FSTL5: variants seen among roughly 807,000 people sequenced by gnomAD.
FSTL5 encodes the protein follistatin like 5, also known as follistatin-related protein 5.
Under a neutral mutation model 89.1 loss-of-function variants are expected in FSTL5, and 62 were observed. The ratio of observed to expected loss-of-function variants is 0.70; its 90% CI spans 0.57 to 0.86. The LOEUF (loss-of-function observed/expected upper bound fraction) is 0.86. FSTL5 is among the 40% of genes least tolerant of loss of function. The probability of loss-of-function intolerance (pLI) is 0.00; values close to 1 mark genes in which losing one functional copy is unlikely to be tolerated. For synonymous variants in FSTL5, 383 were observed against 346.2 expected, an observed-to-expected ratio of 1.11 and a Z score of -1.18; for missense variants, 1,057 against 1,001.6, an observed-to-expected ratio of 1.06 and a Z score of -0.75.
intron 7 of FSTL5, among the ~76,000 whole-genome samples, chr4:161,616,073 TTC>T (rs1420859676): frequency 2.6e-5 from 4 of 151,914 alleles, no homozygotes; most frequent in African/African-American, 9.7e-5. Context: ...TGTTTTTTTT[TTC>T]TTTTTCTTTT....
chr4:162,045,675 C>G (rs1233781706), intron 2 of FSTL5, among the ~76,000 whole-genome samples: 1 of 152,066 alleles, frequency 6.6e-6, no homozygotes, highest in Non-Finnish European at 1.5e-5. Flanking sequence ...TTGCTTAACA[C>G]CGGGCTACCA....
chr4:161,699,586 A>G (rs1322067216), intron 6 of FSTL5, among the ~76,000 whole-genome samples: 1 of 152,240 alleles, frequency 6.6e-6, no homozygotes, highest in African/African-American at 2.4e-5. Flanking sequence ...AGAAAATTAA[A>G]CTATAAGACA....
At chr4:161,821,436 T>A (rs1730491376) in intron 4 of FSTL5, among the ~76,000 whole-genome samples, 1 of 152,312 alleles carries the variant, frequency 6.6e-6, no homozygotes, top group South Asian at 2.1e-4. Flanking sequence ...TATTATTTTT[T>A]AAATTTCCAT....
Position 162,033,643 on chromosome 4 carries a change from CT to C in FSTL5, c.141del (p.Glu48LysfsTer9). On this transcript the variant is annotated frameshift_variant, in exon 3 of 16. Coordinates refer to ENST00000306100, the MANE Select transcript of FSTL5 (RefSeq NM_020116.5). LOFTEE classifies it high-confidence loss of function. ...TTCTTACCTTTGACTCTTGAACTTT[CT>C]TGATTTTTTTCCTGCTGGAAATAAA... is the stretch of plus-strand genomic sequence containing the variant. The part of the protein sequence containing the change: ...MRLRHKQEKN[Q>X]ESSRVKGFMI... 1 of 1,496,566 alleles carries C rather than the reference CT, an allele frequency of 6.7e-7. No homozygotes were observed. Among genetic ancestry groups the C allele is most frequent in the Non-Finnish European group, 9.2e-7 (1 of 1,090,884 alleles). The allele number at this position is 1,496,566 out of a possible 1,614,324, so 92.7% of individuals were successfully genotyped here. A position where few individuals can be genotyped will look rare whatever the true frequency, so the allele number is the denominator to read the frequency against.
In FSTL5 at chr4:161,477,447, A is replaced by C. The variant is rs938517757; in HGVS notation, c.1608+3573T>G. ...ATTATTAATTATTATAGTTTATTAC[A>C]CTTTATGCAATTATTATTCATTTTG... On this transcript the variant is annotated intron_variant, in intron 13 of 15. Coordinates refer to ENST00000306100, the MANE Select transcript of FSTL5 (RefSeq NM_020116.5). Among the ~76,000 whole-genome samples the C allele has an allele frequency of 6.0e-5, 9 of 150,312 alleles. 1 individual carries two copies. Among genetic ancestry groups the C allele is most frequent in the African/African-American group, 9.7e-5 (4 of 41,250 alleles).
At position 161,742,880 on chromosome 4, in the gene FSTL5, T is replaced by C. The variant is rs115761064; in HGVS notation, c.727+16531A>G. On this transcript the variant is annotated intron_variant, in intron 6 of 15. Transcript: ENST00000306100. ...CCAAAAAGTACATTCAAAGAATATA[T>C]TGATGTATCTTTAAATATATAAAAT... Among the ~76,000 whole-genome samples the C allele has an allele frequency of 9.4e-3, 1,429 of 152,294 alleles. 28 individuals carry two copies. The highest frequency in any genetic ancestry group is 0.032 in the African/African-American group (1,346 of 41,568).
intron 3 of FSTL5, among the ~76,000 whole-genome samples, chr4:161,943,662 T>A (rs1269849309): frequency 6.8e-6 from 1 of 146,058 alleles, no homozygotes; most frequent in South Asian, 2.3e-4. Context: ...TTCATGCCAT[T>A]CTCCTGCCTC....
intron 10 of FSTL5, among the ~76,000 whole-genome samples, chr4:161,536,005 A>G (rs948621969): frequency 1.3e-5 from 2 of 152,148 alleles, no homozygotes; most frequent in Non-Finnish European, 2.9e-5. Flanking sequence ...CAAATACCAC[A>G]TGTTCTCACT....
At chr4:162,011,427 C>T (rs564744789) in intron 3 of FSTL5, among the ~76,000 whole-genome samples, 144 of 152,230 alleles carry the variant, frequency 9.5e-4, no homozygotes, top group Middle Eastern at 3.4e-3. Flanking sequence ...AATTGGAAGA[C>T]ATACTTTTCC....
chr4:162,066,370 T>C (rs1476659019), intron 2 of FSTL5, among the ~76,000 whole-genome samples: 9 of 137,738 alleles, frequency 6.5e-5, no homozygotes, highest in Admixed American at 1.6e-4. Context: ...TTCTTCTTCT[T>C]CTCCTTCTTC....
intron 3 of FSTL5, among the ~76,000 whole-genome samples, chr4:161,987,390 G>A (rs1735992510): frequency 6.7e-6 from 1 of 149,866 alleles, no homozygotes; most frequent in Admixed American, 6.7e-5. Flanking sequence ...AGAATGGCGG[G>A]GAAGGAGAAA....
intron 8 of FSTL5, among the ~76,000 whole-genome samples, chr4:161,576,493 A>G (rs935569201): frequency 1.3e-5 from 2 of 152,200 alleles, no homozygotes; most frequent in Admixed American, 6.5e-5. Context: ...ATGGGACAGA[A>G]CAGAGACCTC....
chr4:161,525,835 T>C (rs561826299), intron 10 of FSTL5, among the ~76,000 whole-genome samples: 1 of 152,318 alleles, frequency 6.6e-6, no homozygotes, highest in Non-Finnish European at 1.5e-5. Flanking sequence ...ACTTTTGGTA[T>C]TATAGTGGAT....
chr4:162,038,481 A>G (rs1239781030), intron 2 of FSTL5, among the ~76,000 whole-genome samples: 1 of 151,898 alleles, frequency 6.6e-6, no homozygotes, highest in African/African-American at 2.4e-5. Context: ...TAACTAAACC[A>G]ATGTAAAATT....
chr4:161,664,336 C>T (rs1295034756), intron 6 of FSTL5, among the ~76,000 whole-genome samples: 1 of 152,144 alleles, frequency 6.6e-6, no homozygotes, highest in Non-Finnish European at 1.5e-5. Flanking sequence ...TTTAGTAGCA[C>T]CCAAATCACC....
chr4:161,687,692 C>G (rs1737793926), intron 6 of FSTL5, among the ~76,000 whole-genome samples: 2 of 152,206 alleles, frequency 1.3e-5, no homozygotes, highest in Non-Finnish European at 2.9e-5. Flanking sequence ...CTAAGCCATT[C>G]TCTCTCTACC....
chr4:161,433,297 G>C (rs1305469045), intron 15 of FSTL5, among the ~76,000 whole-genome samples: 3 of 151,768 alleles, frequency 2.0e-5, no homozygotes. Context: ...ATGGAATAAA[G>C]GACAAAAATT....
At chr4:161,531,254 C>G (rs559865930) in intron 10 of FSTL5, among the ~76,000 whole-genome samples, 20 of 152,286 alleles carry the variant, frequency 1.3e-4, no homozygotes, top group Non-Finnish European at 2.9e-4. Context: ...AAGCAAAACA[C>G]AAACTCCTTA....
intron 15 of FSTL5, among the ~76,000 whole-genome samples, chr4:161,443,951 C>G (rs1330844436): frequency 6.6e-6 from 1 of 151,252 alleles, no homozygotes; most frequent in East Asian, 1.9e-4. Context: ...CTATAAGCAA[C>G]AAGAAAAAAA....
Sources: allele counts gnomAD v4.1 joint callset (sites outside exome capture counted in the v4.1 genomes callset), GRCh38; gene constraint gnomAD v4.1.1; transcripts MANE v1.5; gene names NCBI Gene and HGNC (gene_info 2026-07-23, HGNC 2026-07-21).